The following FER variants were observed in gnomAD, a reference collection of about 807,000 sequenced individuals.
FER encodes FER tyrosine kinase, also known as tyrosine-protein kinase Fer.
FER carries 63 observed loss-of-function variants against 111.0 expected under a neutral mutation model. The observed-to-expected ratio is 0.57, with a 90% confidence interval of 0.46 to 0.70. FER has a LOEUF of 0.70. FER is among the 30% of genes least tolerant of loss of function. FER has a pLI of 0.00. For synonymous variants in FER, 327 were observed against 313.9 expected (o/e 1.04, Z -0.44); for missense variants, 914 against 954.0 (o/e 0.96, Z 0.55).
intron 1 of FER, among the ~76,000 whole-genome samples, chr5:108,767,638 C>T (rs574432267): frequency 1.3e-5 from 2 of 152,094 alleles, no homozygotes; most frequent in Admixed American, 6.6e-5. Context: ...GTGTGTGCCA[C>T]GATGCCTGAC....
intron 10 of FER, among the ~76,000 whole-genome samples, chr5:108,937,893 T>G (rs954026826): frequency 9.9e-5 from 15 of 151,288 alleles, no homozygotes; most frequent in Non-Finnish European, 4.4e-5. Flanking sequence ...TTTTAGGAAT[T>G]TTTTTTTATA....
chr5:108,868,639 G>T (rs1207161663), intron 6 of FER, among the ~76,000 whole-genome samples: 1 of 152,056 alleles, frequency 6.6e-6, no homozygotes, highest in East Asian at 1.9e-4. Context: ...ATTCTTCAAT[G>T]TTAGAGTTGC....
chr5:108,884,358 A>T (rs1163464747), intron 9 of FER, among the ~76,000 whole-genome samples: 7 of 152,142 alleles, frequency 4.6e-5, no homozygotes, highest in East Asian at 3.9e-4. Flanking sequence ...GAGCAGATGG[A>T]CATCCACATC....
At chr5:109,182,197 G>C (rs1758359363) in intron 18 of FER, among the ~76,000 whole-genome samples, 1 of 152,122 alleles carries the variant, frequency 6.6e-6, no homozygotes, top group South Asian at 2.1e-4. Flanking sequence ...GAAGTCATAT[G>C]GTAATTTTAT....
intron 16 of FER, among the ~76,000 whole-genome samples, chr5:109,073,011 GT>G (rs1365310213): frequency 6.6e-6 from 1 of 152,034 alleles, no homozygotes; most frequent in East Asian, 1.9e-4. Flanking sequence ...TGTTTTCTTT[GT>G]TTTATAAAGA....
Position 108,854,946 on chromosome 5 carries a change from C to CAAAAAAA in FER, c.482-12801_482-12795dup, listed in dbSNP as rs34850507. 4.9e-4 allele frequency among the ~76,000 whole-genome samples: 18 copies of CAAAAAAA among 36,660 alleles called. 1 individual carries two copies. The highest frequency in any genetic ancestry group is 1.5e-3 in the African/African-American group (16 of 10,672). The allele number at this position is 36,660 out of a possible 152,430, so 24.1% of individuals were successfully genotyped here. A position where few individuals can be genotyped will look rare whatever the true frequency, so the allele number is the denominator to read the frequency against. ...CTGACAGAGCAGCAAGACCCTGTCT[C>CAAAAAAA]AAAAAAAAAAAAAAAAAAAAAAAAA... On this transcript the variant is annotated intron_variant, in intron 5 of 19. Transcript: ENST00000281092.
chr5:109,153,988 G>A (rs576357732), intron 17 of FER, among the ~76,000 whole-genome samples: 7 of 151,716 alleles, frequency 4.6e-5, no homozygotes, highest in Non-Finnish European at 8.9e-5. Context: ...TATTCTCAGC[G>A]ATCTTTCTCA....
chr5:109,102,502 C>T (rs766205797), intron 17 of FER, among the ~76,000 whole-genome samples: 5 of 152,262 alleles, frequency 3.3e-5, no homozygotes, highest in African/African-American at 9.6e-5. Flanking sequence ...AGGGTACTCA[C>T]GAGTATTAAC....
intron 13 of FER, among the ~76,000 whole-genome samples, chr5:108,965,252 T>G (rs2149682050): frequency 6.6e-6 from 1 of 152,282 alleles, no homozygotes; most frequent in East Asian, 1.9e-4. Context: ...TAAATCCCAG[T>G]TTTCACTATT....
intron 10 of FER, among the ~76,000 whole-genome samples, chr5:108,898,471 T>C (rs1749480957): frequency 1.3e-5 from 2 of 150,960 alleles, no homozygotes; most frequent in Admixed American, 1.3e-4. Context: ...CCTCTTCCTT[T>C]CTGTCCTCTC....
chr5:108,952,484 A>T lies in FER; in HGVS notation c.1330-2245A>T, dbSNP rs547902861. ...TTTCCCTGTGTATGTGTGTATATACATGTGTATATACACACATACACTGAC... is the reference window on the plus strand; with the variant it reads ...TTTCCCTGTGTATGTGTGTATATACTTGTGTATATACACACATACACTGAC... On this transcript the variant is annotated intron_variant, in intron 11 of 19. Coordinates refer to ENST00000281092, the MANE Select transcript of FER (RefSeq NM_005246.4). Among the ~76,000 whole-genome samples, 635 of 151,866 alleles carry T rather than the reference A, an allele frequency of 4.2e-3. 3 individuals carry two copies. The highest frequency in any genetic ancestry group is 0.014 in the African/African-American group (599 of 41,512).
chr5:108,759,188 T>C lies in FER; in HGVS notation c.-205-8905T>C, dbSNP rs550096719. The stretch of plus-strand genomic sequence containing the variant: ...GTGGACAACAAAAACCCTTAATTGA[T>C]ATCCTACTTCATCACTCTTAAGTTC... On this transcript the variant is annotated intron_variant, in intron 1 of 19. Transcript: ENST00000281092. 4.1e-4 allele frequency among the ~76,000 whole-genome samples: 63 copies of C among 152,354 alleles called. 1 individual carries two copies. Among genetic ancestry groups the C allele is most frequent in the African/African-American group, 1.5e-3 (62 of 41,582 alleles).
At chr5:108,994,766 TG>T (rs1661639566) in intron 13 of FER, among the ~76,000 whole-genome samples, 2 of 152,356 alleles carry the variant, frequency 1.3e-5, no homozygotes, top group South Asian at 4.1e-4. Flanking sequence ...TCCATTTGTT[TG>T]TTTCCTCTCT....
chr5:108,871,773 A>G (rs1457290919), intron 7 of FER, among the ~76,000 whole-genome samples: 1 of 151,208 alleles, frequency 6.6e-6, no homozygotes, highest in Admixed American at 6.6e-5. Context: ...TTTTTTTTTT[A>G]TGCTTATATA....
rs1758726327 is a variant in FER at position 108,820,530 on chromosome 5, A to G, written c.208-12240A>G. Reference sequence around the variant, plus strand: ...AAAGTATTGGGAAAGAAAAGGTAATATAATTTCTTAATTTCTTTTCTGGCC... The same window carrying G: ...AAAGTATTGGGAAAGAAAAGGTAATGTAATTTCTTAATTTCTTTTCTGGCC... On this transcript the variant is annotated intron_variant, in intron 3 of 19. Coordinates refer to ENST00000281092, the MANE Select transcript of FER (RefSeq NM_005246.4). 7 of 985,248 alleles carry G rather than the reference A, an allele frequency of 7.1e-6. No homozygotes were observed. The South Asian group carries it at 1.4e-4, about 20-fold the overall frequency. The allele number at this position is 985,248 out of a possible 1,614,324, so 61.0% of individuals were successfully genotyped here. A position where few individuals can be genotyped will look rare whatever the true frequency, so the allele number is the denominator to read the frequency against.
At chr5:108,798,890 C>G (rs1466807437) in intron 3 of FER, among the ~76,000 whole-genome samples, 3 of 152,124 alleles carry the variant, frequency 2.0e-5, no homozygotes, top group Admixed American at 1.3e-4. Context: ...TATAGCTGTA[C>G]CTCTCTGATG....
chr5:108,792,294 C>A (rs1755467877), intron 2 of FER, among the ~76,000 whole-genome samples: 1 of 152,152 alleles, frequency 6.6e-6, no homozygotes, highest in African/African-American at 2.4e-5. Context: ...AATATTAAAT[C>A]TTTTGATCTG....
At chr5:108,779,785 C>A (rs1321672405) in intron 2 of FER, among the ~76,000 whole-genome samples, 1 of 152,092 alleles carries the variant, frequency 6.6e-6, no homozygotes, top group Non-Finnish European at 1.5e-5. Context: ...TAAAAATCTC[C>A]TTCTTATCTC....
chr5:109,151,685 CGGT>C (rs1355235077), intron 17 of FER, among the ~76,000 whole-genome samples: 2 of 152,046 alleles, frequency 1.3e-5, no homozygotes, highest in African/African-American at 4.8e-5. Flanking sequence ...ACAAGACCTG[CGGT>C]CAAAGCATAA....
Sources: allele counts gnomAD v4.1 joint callset (sites outside exome capture counted in the v4.1 genomes callset), GRCh38; gene constraint gnomAD v4.1.1; transcripts MANE v1.5; gene names NCBI Gene and HGNC (gene_info 2026-07-23, HGNC 2026-07-21).